DNAH5: variants seen among roughly 807,000 people sequenced by gnomAD.
DNAH5 encodes axonemal beta dynein heavy chain 5.
In DNAH5, 372 loss-of-function variants were observed where a neutral mutation model predicts 518.2. The ratio of observed to expected loss-of-function variants is 0.72; its 90% CI spans 0.66 to 0.78. DNAH5 has a LOEUF of 0.78. Among genes scored for constraint, DNAH5 ranks in the 30% least tolerant of loss-of-function variants. The pLI is 0.00. For synonymous variants in DNAH5, 2,039 were observed against 2,025.9 expected (o/e 1.01, Z -0.17); for missense variants, 5,523 against 5,687.0 (o/e 0.97, Z 0.93).
chr5:13,919,252 A>G lies in DNAH5; in HGVS notation c.899T>C (p.Leu300Pro). The G allele has an allele frequency of 6.2e-7, 1 of 1,614,154 alleles. No individual in the cohort carries two copies. Among genetic ancestry groups the G allele is most frequent in the Non-Finnish European group, 8.5e-7 (1 of 1,180,002 alleles). ...WKKRLSKFNY[L>P]LEQLKSPDVK... is the part of the protein sequence containing the mutation. The stretch of plus-strand genomic sequence containing the variant: ...ATCCGGGCTTTTCAATTGTTCCAAA[A>G]GGTAGTTAAACTTGGAGAGTCTTTT... The change falls in exon 7 of 79, where the codon CTT becomes CCT. Residue 300 changes from leucine (L) to proline (P), a missense_variant. Around this residue, in one of 3 missense-constraint regions of DNAH5, gnomAD observed 5,121 missense variants for 5,223.3 expected, o/e 0.98. Transcript: ENST00000265104.
intron 1 of DNAH5, among the ~76,000 whole-genome samples, chr5:13,978,930 C>T (rs921538990): frequency 6.6e-6 from 1 of 152,114 alleles, no homozygotes; most frequent in Admixed American, 6.5e-5. Flanking sequence ...ACAATGTCTG[C>T]CACCTGGTCT....
At chr5:13,986,169 G>A (rs1202502865) in intron 1 of DNAH5, among the ~76,000 whole-genome samples, 1 of 152,198 alleles carries the variant, frequency 6.6e-6, no homozygotes, top group African/African-American at 2.4e-5. Context: ...GGGATGAGGG[G>A]AAATGCATTG....
chr5:13,754,467 G>GACA (rs1750701570), intron 61 of DNAH5, 129 bp from the exon 62 acceptor site: 2 of 1,039,694 alleles, frequency 1.9e-6, no homozygotes, highest in Non-Finnish European at 3.0e-6. Flanking sequence ...TTCACAAGAA[G>GACA]CATGAGATTC....
In DNAH5 at chr5:13,923,275, C is replaced by A; in HGVS notation, c.438+5G>T. 6.2e-7 allele frequency: 1 copy of A among 1,614,126 alleles called. No individual in the cohort carries two copies. Among genetic ancestry groups the A allele is most frequent in the Non-Finnish European group, 8.5e-7 (1 of 1,179,982 alleles). ...TCAGAGTAAACAATGGCTCTTGCCC[C>A]TTACCTGGTGGATGTTGTCAGGGGT... On this transcript the variant is annotated splice_donor_5th_base_variant and intron_variant, in intron 4 of 78. Coordinates refer to ENST00000265104, the MANE Select transcript of DNAH5 (RefSeq NM_001369.3).
At position 13,700,664 on chromosome 5, in the gene DNAH5, T is replaced by C. The variant is rs761546028; in HGVS notation, c.13699A>G (p.Ile4567Val). The C allele has an allele frequency of 1.4e-5, 22 of 1,614,096 alleles. No homozygotes were observed. The highest frequency in any genetic ancestry group is 1.8e-5 in the Non-Finnish European group (21 of 1,180,020). ...PKVLFELMPV[I>V]RIYAENNTLR... Reference sequence around the variant, plus strand: ...CTATTGTTTTCTGCATAAATCCTTATGACAGGCATCAACTCAAAGAGCACT... The same window carrying C: ...CTATTGTTTTCTGCATAAATCCTTACGACAGGCATCAACTCAAAGAGCACT... The change falls in exon 78 of 79, where the codon ATA (isoleucine) becomes GTA (valine). Residue 4567 changes from isoleucine to valine, a missense_variant. Ile to Val is a conservative substitution (Grantham distance 29). Around this residue, in one of 3 missense-constraint regions of DNAH5, gnomAD observed 387 missense variants for 430.0 expected, o/e 0.90. Transcript: ENST00000265104.
chr5:13,995,711 T>C (rs1437912266), intron 1 of DNAH5, among the ~76,000 whole-genome samples: 3 of 152,168 alleles, frequency 2.0e-5, no homozygotes, highest in African/African-American at 7.2e-5. Context: ...GGACAGATAA[T>C]ACATATAGAT....
At chr5:13,705,046 C>T (rs1272542070) in intron 76 of DNAH5, among the ~76,000 whole-genome samples, 2 of 151,298 alleles carry the variant, frequency 1.3e-5, no homozygotes, top group Non-Finnish European at 2.9e-5. Flanking sequence ...GGCTGGAGGG[C>T]AGTGGTGCGA....
rs1006931135 is a variant in DNAH5 at position 13,769,020 on chromosome 5, A to C, written c.9837T>G (p.Ile3279Met). 2 of 1,614,076 alleles carry C rather than the reference A, an allele frequency of 1.2e-6. No homozygotes were observed. Among genetic ancestry groups the C allele is most frequent in the Non-Finnish European group, 1.7e-6 (2 of 1,180,028 alleles). ...TTGCTGCTTCCAGTTTTTCTTCAGC[A>C]ATGGCTTTGTCTTTAGAGATGCTGT... ...IVDSISKDKA[I>M]AEEKLEAAKP... Residue 3279 changes from isoleucine (I) to methionine (M), a missense_variant, in exon 58 of 79, where the codon ATT (isoleucine) becomes ATG (methionine). By Grantham distance (10) the Ile-to-Met change is conservative (BLOSUM62 1). Around this residue, in one of 3 missense-constraint regions of DNAH5, gnomAD observed 5,121 missense variants for 5,223.3 expected, o/e 0.98. Transcript: ENST00000265104.
intron 60 of DNAH5, among the ~76,000 whole-genome samples, 192 bp downstream of exon 60, chr5:13,762,530 G>A (rs967743462): frequency 6.6e-5 from 10 of 152,064 alleles, no homozygotes; most frequent in African/African-American, 2.4e-4. Flanking sequence ...AGGCTCATAT[G>A]GTTCTGATTA....
At chr5:13,898,705 G>A (rs570751573) in intron 15 of DNAH5, 2 of 398,214 alleles carry the variant, frequency 5.0e-6, no homozygotes, top group South Asian at 2.6e-4. Context: ...GAAATAATGA[G>A]CATGAAAATG....
intron 34 of DNAH5, 25 bp downstream of exon 34, chr5:13,840,881 G>A: frequency 6.3e-7 from 1 of 1,594,548 alleles, no homozygotes; most frequent in Non-Finnish European, 8.6e-7. Context: ...TTCTCTACAT[G>A]CCACAGCATT....
chr5:13,809,270 G>A, intron 45 of DNAH5, 84 bp from the exon 46 acceptor site: 1 of 1,501,424 alleles, frequency 6.7e-7, no homozygotes, highest in South Asian at 1.1e-5. Flanking sequence ...GAAATCTTAT[G>A]AGGTCACCTT....
intron 23 of DNAH5, 70 bp from the exon 24 acceptor site, chr5:13,871,072 T>A: frequency 1.8e-6 from 2 of 1,130,672 alleles, no homozygotes; most frequent in East Asian, 2.4e-5. Context: ...AAACTGTCGC[T>A]GTTCTCCAGT....
At chr5:13,870,423 T>C (rs1334489240) in intron 24 of DNAH5, among the ~76,000 whole-genome samples, 1 of 152,102 alleles carries the variant, frequency 6.6e-6, no homozygotes, top group Non-Finnish European at 1.5e-5. Context: ...ACTCAATTGA[T>C]GTTGTAGAGT....
intron 1 of DNAH5, among the ~76,000 whole-genome samples, chr5:14,005,827 G>C (rs895379268): frequency 1.3e-5 from 2 of 152,230 alleles, no homozygotes; most frequent in Non-Finnish European, 2.9e-5. Context: ...GTCTGGAGGG[G>C]AAATGGGAAA....
chr5:13,778,112 G>A (rs1211792192), intron 53 of DNAH5, among the ~76,000 whole-genome samples: 1 of 152,096 alleles, frequency 6.6e-6, no homozygotes, highest in Non-Finnish European at 1.5e-5. Context: ...TCAGAATTCA[G>A]GGTGCAAGAG....
intron 31 of DNAH5, among the ~76,000 whole-genome samples, chr5:13,847,089 G>A (rs942038806): frequency 9.9e-5 from 15 of 152,062 alleles, no homozygotes; most frequent in African/African-American, 2.2e-4. Context: ...CTCCTGAGAC[G>A]GTATAGAGAA....
At chr5:13,793,833 A>C (rs1451181870) in intron 48 of DNAH5, 103 bp downstream of exon 48, 4 of 1,551,066 alleles carry the variant, frequency 2.6e-6, no homozygotes, top group Non-Finnish European at 3.5e-6. Flanking sequence ...TTCAGAAATT[A>C]TATCTTGAAA....
At chr5:13,848,715 G>A (rs368044463) in intron 31 of DNAH5, among the ~76,000 whole-genome samples, 10 of 152,200 alleles carry the variant, frequency 6.6e-5, no homozygotes, top group East Asian at 3.9e-4. Context: ...GGGTGTATGC[G>A]CAGTTCACAA....
Sources: allele counts gnomAD v4.1 joint callset (sites outside exome capture counted in the v4.1 genomes callset), GRCh38; gene constraint gnomAD v4.1.1; regional missense constraint gnomAD v4.1.1; transcripts MANE v1.5; gene names NCBI Gene and HGNC (gene_info 2026-07-23, HGNC 2026-07-21).